The following TMEM266 variants were observed in gnomAD, a reference collection of about 807,000 sequenced individuals.
TMEM266 encodes Hv1 related protein 1.
In TMEM266, 33 loss-of-function variants were observed where a neutral mutation model predicts 50.5. The observed-to-expected ratio is 0.65, with a 90% CI of 0.50 to 0.87. The LOEUF is 0.87. Among genes scored for constraint, TMEM266 ranks in the 40% least tolerant of loss-of-function variants. The pLI is 0.00. For missense variants in TMEM266, 655 were observed against 695.1 expected (o/e 0.94, Z 0.65); for synonymous variants, 310 against 292.3 (o/e 1.06, Z -0.62).
At chr15:76,070,229 C>T (rs150847059) in intron 1 of TMEM266, among the ~76,000 whole-genome samples, 2 of 152,278 alleles carry the variant, frequency 1.3e-5, no homozygotes, top group East Asian at 3.9e-4. Context: ...TGGATGGCTG[C>T]TTCACCTCCA....
rs2038013344 is a variant in TMEM266, at chr15:76,161,196, C to CT, written c.456+1031dup. On this transcript the variant is annotated intron_variant, in intron 5 of 10. Transcript: ENST00000388942. This position sits in a 1 kb window ranked among gnomAD's most constrained non-coding sequence, Gnocchi z 4.1. The stretch of plus-strand genomic sequence containing the variant: ...TTAGCCCATGCAAAGTCCCGTGGGC[C>CT]TTTCAGCATGGCTCAGGAAACCCTC... Among the ~76,000 whole-genome samples the CT allele has an allele frequency of 6.6e-6, 1 of 152,184 alleles. No homozygotes were observed. The highest frequency in any genetic ancestry group is 1.9e-4 in the East Asian group (1 of 5,186).
At chr15:76,077,596 A>G (rs2036624395) in intron 1 of TMEM266, among the ~76,000 whole-genome samples, 1 of 152,108 alleles carries the variant, frequency 6.6e-6, no homozygotes. Flanking sequence ...TACCATCACA[A>G]GAGTCCTTAT....
chr15:76,174,484 G>A (rs2038241065), intron 7 of TMEM266, among the ~76,000 whole-genome samples: 1 of 152,188 alleles, frequency 6.6e-6, no homozygotes, highest in Non-Finnish European at 1.5e-5. Flanking sequence ...TTGGGAGACG[G>A]AGGTTGCAAT....
At position 76,202,214 on chromosome 15, in the gene TMEM266, A is replaced by C. The variant is rs201419583; in HGVS notation, c.971A>C (p.Lys324Thr). ...CCCACCTCTGTAGAAGCCACGATGAAGGACGACATGAACAGCTACATCAGT... is the reference window on the plus strand; with the variant it reads ...CCCACCTCTGTAGAAGCCACGATGACGGACGACATGAACAGCTACATCAGT... Residue 324 changes from lysine to threonine, a missense_variant, in exon 10 of 11, where the codon AAG becomes ACG. This residue lies in a region of TMEM266 where 455 missense variants were observed against 401.8 expected (regional missense o/e 1.13). Coordinates refer to ENST00000388942, the MANE Select transcript of TMEM266 (RefSeq NM_152335.3). 1 of 1,613,700 alleles carries C rather than the reference A, an allele frequency of 6.2e-7. No homozygotes were observed. Among genetic ancestry groups the C allele is most frequent in the Non-Finnish European group, 8.5e-7 (1 of 1,179,812 alleles).
chr15:76,178,602 C>A (rs1034435024), intron 8 of TMEM266: 1 of 152,220 alleles, frequency 6.6e-6, no homozygotes, highest in Non-Finnish European at 1.5e-5. Context: ...ACCCCACCTC[C>A]CAGGGTTTCC....
chr15:76,114,947 G>A (rs542007499), intron 1 of TMEM266, among the ~76,000 whole-genome samples: 78 of 152,140 alleles, frequency 5.1e-4, no homozygotes, highest in African/African-American at 1.8e-3. Context: ...ATGTGTTCAA[G>A]GTTCATCATG....
At chr15:76,108,365 A>C (rs2037117807) in intron 1 of TMEM266, among the ~76,000 whole-genome samples, 1 of 152,234 alleles carries the variant, frequency 6.6e-6, no homozygotes, top group Non-Finnish European at 1.5e-5. Context: ...GGGTCACAAG[A>C]AATGTCATAG....
intron 3 of TMEM266, among the ~76,000 whole-genome samples, chr15:76,142,162 G>T (rs2037689434): frequency 6.6e-6 from 1 of 152,222 alleles, no homozygotes; most frequent in South Asian, 2.1e-4. Context: ...GCCGAGGTAG[G>T]CAGATCACTT....
chr15:76,136,173 C>T (rs1476219848), intron 2 of TMEM266, among the ~76,000 whole-genome samples: 1 of 152,184 alleles, frequency 6.6e-6, no homozygotes, highest in Non-Finnish European at 1.5e-5. Context: ...GAACTCCTAA[C>T]CTCAGGTGAT....
intron 1 of TMEM266, among the ~76,000 whole-genome samples, chr15:76,107,855 C>T (rs1650409538): frequency 2.0e-5 from 3 of 152,232 alleles, no homozygotes; most frequent in African/African-American, 7.2e-5. Context: ...CACTGCACTA[C>T]TCTTATTCCA....
chr15:76,199,646 G>C (rs1211553274), intron 9 of TMEM266, among the ~76,000 whole-genome samples: 1 of 152,214 alleles, frequency 6.6e-6, no homozygotes, highest in Non-Finnish European at 1.5e-5. Flanking sequence ...GATCACATCG[G>C]ATCTCGGGGC....
intron 1 of TMEM266, among the ~76,000 whole-genome samples, chr15:76,124,984 C>T (rs1294491779): frequency 6.6e-6 from 1 of 152,124 alleles, no homozygotes; most frequent in East Asian, 1.9e-4. Context: ...ATGGTCCTGG[C>T]ATAAAAACAG....
intron 8 of TMEM266, among the ~76,000 whole-genome samples, chr15:76,177,532 T>C (rs1192453610): frequency 6.6e-6 from 1 of 152,234 alleles, no homozygotes; most frequent in Non-Finnish European, 1.5e-5. Context: ...AACCAATCTT[T>C]TTATCTGCTT....
chr15:76,182,501 C>A (rs2469562), intron 8 of TMEM266, among the ~76,000 whole-genome samples: 1 of 151,336 alleles, frequency 6.6e-6, no homozygotes, highest in Non-Finnish European at 1.5e-5. Context: ...AAAATTAGCC[C>A]GGTGTGGTGG....
chr15:76,100,117 A>G (rs1182546042), intron 1 of TMEM266, among the ~76,000 whole-genome samples: 1 of 152,182 alleles, frequency 6.6e-6, no homozygotes, highest in Non-Finnish European at 1.5e-5. Context: ...ACAGAGGGAA[A>G]CATATCACTG....
At chr15:76,119,375 G>T (rs1397170342) in intron 1 of TMEM266, among the ~76,000 whole-genome samples, 1 of 145,244 alleles carries the variant, frequency 6.9e-6, no homozygotes, top group East Asian at 2.1e-4. Flanking sequence ...TTCGTTTAGG[G>T]GGTTAGGGTT....
At chr15:76,145,922 G>C (rs1486643629) in intron 3 of TMEM266, among the ~76,000 whole-genome samples, 2 of 152,220 alleles carry the variant, frequency 1.3e-5, no homozygotes, top group African/African-American at 4.8e-5. Context: ...GTTCTTATCA[G>C]ATGTCATCCC....
intron 9 of TMEM266, among the ~76,000 whole-genome samples, chr15:76,201,850 G>A (rs1289013682): frequency 1.3e-5 from 2 of 152,188 alleles, no homozygotes; most frequent in African/African-American, 2.4e-5. Flanking sequence ...GAGAAGTTTA[G>A]GCAATGAAGG....
At chr15:76,142,792 C>T (rs572865798) in intron 3 of TMEM266, among the ~76,000 whole-genome samples, 11 of 152,290 alleles carry the variant, frequency 7.2e-5, no homozygotes, top group East Asian at 3.9e-4. Flanking sequence ...AGAGCCCAAA[C>T]GGCAGAGCTG....
Sources: allele counts gnomAD v4.1 joint callset (sites outside exome capture counted in the v4.1 genomes callset), GRCh38; gene constraint gnomAD v4.1.1; regional missense constraint gnomAD v4.1.1; non-coding constraint Gnocchi (gnomAD v3.1); transcripts MANE v1.5; gene names NCBI Gene and HGNC (gene_info 2026-07-23, HGNC 2026-07-21).